MDGA1: variants seen among roughly 807,000 people sequenced by gnomAD.
MDGA1 encodes MAM domain-containing glycosylphosphatidylinositol anchor protein 1.
In MDGA1, 54 loss-of-function variants were observed where a neutral mutation model predicts 101.5. The observed-to-expected ratio is 0.53, with a 90% CI of 0.43 to 0.67. MDGA1 has a LOEUF of 0.67. Among genes scored for constraint, MDGA1 ranks in the 30% least tolerant of loss-of-function variants. The pLI, the probability that MDGA1 is intolerant of heterozygous loss-of-function variation, is 0.00. For synonymous variants in MDGA1, 533 were observed against 558.3 expected (o/e 0.95, Z 0.64); for missense variants, 1,083 against 1,323.8 (o/e 0.82, Z 2.82).
chr6:37,685,776 G>A (rs1305698097), intron 1 of MDGA1, among the ~76,000 whole-genome samples: 1 of 152,158 alleles, frequency 6.6e-6, no homozygotes, highest in Non-Finnish European at 1.5e-5. Flanking sequence ...GGTGACCCAA[G>A]CAAGTCATCC....
Position 37,635,750 on chromosome 6 carries a change from T to C in MDGA1, c.*1618A>G. 1 of 398,724 alleles carries C rather than the reference T, an allele frequency of 2.5e-6. No individual in the cohort carries two copies. The highest frequency in any genetic ancestry group is 4.4e-6 in the Non-Finnish European group (1 of 226,096). The allele number at this position is 398,724 out of a possible 1,614,324, so 24.7% of individuals were successfully genotyped here. A position where few individuals can be genotyped will look rare whatever the true frequency, so the allele number is the denominator to read the frequency against. ...TGCTTGCATTCAATAGGGTCATCTG[T>C]AAGCTCTCCGTCATCCATAGGGGAT... On this transcript the variant is annotated 3_prime_UTR_variant, in exon 17 of 17. Coordinates refer to ENST00000434837, the MANE Select transcript of MDGA1 (RefSeq NM_153487.4).
chr6:37,662,947 C>T (rs1000658146), intron 2 of MDGA1, among the ~76,000 whole-genome samples: 1 of 152,226 alleles, frequency 6.6e-6, no homozygotes, highest in Non-Finnish European at 1.5e-5. Flanking sequence ...ACTCCAGCAG[C>T]ATTGTTTTCC....
intron 2 of MDGA1, 77 bp from the exon 3 acceptor site, chr6:37,658,496 C>T (rs1761547655): frequency 7.1e-7 from 1 of 1,400,360 alleles, no homozygotes; most frequent in Non-Finnish European, 9.7e-7. Context: ...TGCCCTGCAA[C>T]GGCACCCCCT....
At chr6:37,660,910 C>T (rs1390426739) in intron 2 of MDGA1, among the ~76,000 whole-genome samples, 6 of 152,048 alleles carry the variant, frequency 3.9e-5, no homozygotes, top group African/African-American at 1.2e-4. Flanking sequence ...TTGCCTATAC[C>T]GAAGATCATG....
chr6:37,676,980 T>A (rs1761994405), intron 1 of MDGA1, among the ~76,000 whole-genome samples: 1 of 151,328 alleles, frequency 6.6e-6, no homozygotes, highest in South Asian at 2.1e-4. Context: ...TTAACTTGCC[T>A]AAGCCCCCAC....
At chr6:37,651,458 A>G (rs1340251429) in intron 7 of MDGA1, among the ~76,000 whole-genome samples, 1 of 152,228 alleles carries the variant, frequency 6.6e-6, no homozygotes, top group Non-Finnish European at 1.5e-5. Flanking sequence ...TATATACTCT[A>G]TAAACATTTA....
At chr6:37,661,691 G>C (rs1413351794) in intron 2 of MDGA1, among the ~76,000 whole-genome samples, 1 of 152,168 alleles carries the variant, frequency 6.6e-6, no homozygotes. Context: ...GGCAGTGGGA[G>C]ATCAGACAAG....
chr6:37,671,613 C>A (rs1441817544), intron 1 of MDGA1, among the ~76,000 whole-genome samples: 2 of 152,150 alleles, frequency 1.3e-5, no homozygotes, highest in Non-Finnish European at 2.9e-5. Flanking sequence ...CTTCCAGCAC[C>A]CAGTAGGCCC....
intron 6 of MDGA1, among the ~76,000 whole-genome samples, chr6:37,653,973 T>C (rs1036377320): frequency 2.8e-5 from 4 of 142,150 alleles, no homozygotes; most frequent in Admixed American, 2.8e-4. Flanking sequence ...AGTTTCCCAA[T>C]CTTAAAAAAA....
chr6:37,651,385 A>G (rs11963879), intron 7 of MDGA1, among the ~76,000 whole-genome samples: 3,741 of 152,354 alleles, frequency 0.025, 135 homozygotes, highest in African/African-American at 0.075. Context: ...ATTTAAATAC[A>G]AAGTTCTTAT....
At chr6:37,645,598 A>G (rs1339189990) in intron 12 of MDGA1, among the ~76,000 whole-genome samples, 1 of 152,228 alleles carries the variant, frequency 6.6e-6, no homozygotes, top group Non-Finnish European at 1.5e-5. Context: ...TGAATTCTAT[A>G]CATAGATTCT....
At chr6:37,643,966 C>T (rs1240261980) in intron 13 of MDGA1, 23 bp from the exon 14 acceptor site, 1 of 1,611,786 alleles carries the variant, frequency 6.2e-7, no homozygotes, top group Middle Eastern at 1.8e-4. Context: ...GGGAGATGCG[C>T]CAACAGCCCC....
chr6:37,646,301 G>C lies in MDGA1; in HGVS notation c.2121C>G (p.Ile707Met). Reference protein sequence around the residue: ...RVEKGQLLEYILTDLRVPHSY... With the variant: ...RVEKGQLLEYMLTDLRVPHSY... The stretch of plus-strand genomic sequence containing the variant: ...TGTGGGGCACACGGAGATCGGTCAG[G>C]ATGTACTCCAGCAGCTGCCCCTTCT... Residue 707 changes from isoleucine to methionine, a missense_variant, in exon 11 of 17, where the codon ATC becomes ATG. By Grantham distance (10) the Ile-to-Met change is conservative. Coordinates refer to ENST00000434837, the MANE Select transcript of MDGA1 (RefSeq NM_153487.4). 6.3e-7 allele frequency: 1 copy of C among 1,599,520 alleles called. No individual in the cohort carries two copies. Among genetic ancestry groups the C allele is most frequent in the South Asian group, 1.1e-5 (1 of 88,364 alleles).
At chr6:37,649,329 C>T (rs1177016857) in intron 8 of MDGA1, 63 bp from the exon 9 acceptor site, 65 of 1,413,338 alleles carry the variant, frequency 4.6e-5, no homozygotes, top group Non-Finnish European at 5.8e-5. Context: ...AGGAGTGGCC[C>T]GTGGGGAGGC....
At position 37,680,236 on chromosome 6, in the gene MDGA1, G is replaced by A. The variant is rs1290005862; in HGVS notation, c.68-16130C>T. On this transcript the variant is annotated intron_variant, in intron 1 of 16. Transcript: ENST00000434837. ...CTTCCCAGAATCCTCCTCTCCAGCT[G>A]CCATGGCACCACCTCTGTGGAGGCC... Among the ~76,000 whole-genome samples the A allele has an allele frequency of 2.6e-5, 4 of 152,360 alleles. 1 individual carries two copies. The South Asian group carries it at 6.2e-4, about 24-fold the overall frequency.
intron 6 of MDGA1, 118 bp downstream of exon 6, chr6:37,654,156 T>A: frequency 8.4e-7 from 1 of 1,194,318 alleles, no homozygotes; most frequent in Non-Finnish European, 1.1e-6. Flanking sequence ...ATCCTCTGCA[T>A]GACTCATCTA....
intron 1 of MDGA1, among the ~76,000 whole-genome samples, chr6:37,673,539 C>T (rs1395468676): frequency 1.3e-5 from 2 of 152,228 alleles, no homozygotes; most frequent in African/African-American, 4.8e-5. Context: ...GATGATGTTC[C>T]AAGCCTCTCT....
In MDGA1 at chr6:37,638,414, T is replaced by G. The variant is rs41273094; in HGVS notation, c.2668-101A>C. 81,204 of 1,522,410 alleles carry G rather than the reference T, an allele frequency of 0.053. 2,987 individuals are homozygous for G. The highest frequency in any genetic ancestry group is 0.18 in the Middle Eastern group (977 of 5,410). The allele number at this position is 1,522,410 out of a possible 1,614,324, so 94.3% of individuals were successfully genotyped here. A position where few individuals can be genotyped will look rare whatever the true frequency, so the allele number is the denominator to read the frequency against. On this transcript the variant is annotated intron_variant, in intron 15 of 16. Coordinates refer to ENST00000434837, the MANE Select transcript of MDGA1 (RefSeq NM_153487.4). This position sits in a 1 kb window ranked among gnomAD's most constrained non-coding sequence, Gnocchi z 4.8. ...CCTTTCCCCTTAATCTACCTGGAAGTTCCCCCTAACCTGACTCTTTCCATC... is the reference window on the plus strand; with the variant it reads ...CCTTTCCCCTTAATCTACCTGGAAGGTCCCCCTAACCTGACTCTTTCCATC...
Position 37,655,597 on chromosome 6 carries a change from G to C in MDGA1, c.579+103C>G. 1 of 823,218 alleles carries C rather than the reference G, an allele frequency of 1.2e-6. No individual in the cohort carries two copies. Among genetic ancestry groups the C allele is most frequent in the South Asian group, 1.9e-5 (1 of 53,956 alleles). The allele number at this position is 823,218 out of a possible 1,614,324, so 51.0% of individuals were successfully genotyped here. A position where few individuals can be genotyped will look rare whatever the true frequency, so the allele number is the denominator to read the frequency against. On this transcript the variant is annotated intron_variant, in intron 4 of 16. Coordinates refer to ENST00000434837, the MANE Select transcript of MDGA1 (RefSeq NM_153487.4). The surrounding 1 kb of genome is among the most constrained non-coding windows in gnomAD (Gnocchi z 5.1). ...AATGTGTGTTTCCAAAGTAAGAATAGAATTGTTGAAGTCAAGGCAGTCCCA... is the reference window on the plus strand; with the variant it reads ...AATGTGTGTTTCCAAAGTAAGAATACAATTGTTGAAGTCAAGGCAGTCCCA...
Sources: allele counts gnomAD v4.1 joint callset (sites outside exome capture counted in the v4.1 genomes callset), GRCh38; gene constraint gnomAD v4.1.1; non-coding constraint Gnocchi (gnomAD v3.1); transcripts MANE v1.5; gene names NCBI Gene and HGNC (gene_info 2026-07-23, HGNC 2026-07-21).